Variants in DDX43 observed in about 807,000 individuals in gnomAD.
The protein encoded by DDX43 is probable ATP-dependent RNA helicase DDX43.
Under a neutral mutation model 84.9 loss-of-function variants are expected in DDX43, and 50 were observed. That is an observed-to-expected ratio of 0.59 (90% CI 0.47 to 0.75). The LOEUF is 0.75. Ranked by LOEUF, DDX43 falls within the 30% of genes least tolerant of loss-of-function variation. The probability of loss-of-function intolerance (pLI) is 0.00; values close to 1 mark genes in which losing one functional copy is unlikely to be tolerated. For missense variants in DDX43, 689 were observed against 798.6 expected (o/e 0.86, Z 1.65); for synonymous variants, 291 against 266.3 (o/e 1.09, Z -0.90).
rs201272137 is a variant in DDX43, at chr6:73,405,113, G to GA, written c.650+355dup. 4.3e-3 allele frequency among the ~76,000 whole-genome samples: 581 copies of GA among 134,520 alleles called. 3 individuals carry two copies. The highest frequency in any genetic ancestry group is 4.4e-3 in the African/African-American group (160 of 36,768). The allele number at this position is 134,520 out of a possible 152,430, so 88.3% of individuals were successfully genotyped here. A position where few individuals can be genotyped will look rare whatever the true frequency, so the allele number is the denominator to read the frequency against. On this transcript the variant is annotated intron_variant, in intron 5 of 16. Transcript: ENST00000370336. ...GAATTATTTCTCCAATAGTTGAATT[G>GA]AAAAAAAAAAAAAGATCTAATCTTG...
chr6:73,404,903 A>G (rs12191034), intron 5 of DDX43, 132 bp downstream of exon 5: 18,409 of 741,600 alleles, frequency 0.025, 309 homozygotes, highest in East Asian at 0.045. Flanking sequence ...GTCAACTTAC[A>G]TGATATTTTA....
chr6:73,414,130 TG>T, intron 13 of DDX43, 51 bp downstream of exon 13: 1 of 1,124,834 alleles, frequency 8.9e-7, no homozygotes, highest in South Asian at 1.3e-5. Context: ...GTGCAATACC[TG>T]GGCTTGGCTG....
intron 10 of DDX43, among the ~76,000 whole-genome samples, chr6:73,410,195 G>A (rs1361273785): frequency 6.6e-6 from 1 of 152,054 alleles, no homozygotes; most frequent in Non-Finnish European, 1.5e-5. Flanking sequence ...TTGAGACAAA[G>A]TCTCGCTGAC....
chr6:73,412,122 A>G, intron 10 of DDX43, 83 bp from the exon 11 acceptor site: 1 of 1,183,230 alleles, frequency 8.5e-7, no homozygotes, highest in South Asian at 1.4e-5. Flanking sequence ...GTCTTTCATG[A>G]GTAACTTGGT....
intron 7 of DDX43, 109 bp downstream of exon 7, chr6:73,406,591 G>T (rs1037807478): frequency 1.5e-6 from 1 of 668,960 alleles, no homozygotes. Flanking sequence ...GTAATGCCTA[G>T]CTTCAGAGAA....
In DDX43 at chr6:73,413,686, T is replaced by C. The variant is rs1350910102; in HGVS notation, c.1397T>C (p.Ile466Thr). 6 of 1,613,782 alleles carry C rather than the reference T, an allele frequency of 3.7e-6. No individual in the cohort carries two copies. Among genetic ancestry groups the C allele is most frequent in the East Asian group, 2.2e-5 (1 of 44,846 alleles). The change falls in exon 12 of 17, where the codon ATT (isoleucine) becomes ACT (threonine). Residue 466 changes from isoleucine (I) to threonine (T), a missense_variant. Coordinates refer to ENST00000370336, the MANE Select transcript of DDX43 (RefSeq NM_018665.3). ...VAVSSVKQNI[I>T]VTTEEEKWSH... The stretch of plus-strand genomic sequence containing the variant: ...GTAAGTTCAGTGAAGCAAAATATAA[T>C]TGTAACCACCGAGGAAGAGAAATGG...
At position 73,405,795 on chromosome 6, in the gene DDX43, A is replaced by G. The variant is rs1420917794; in HGVS notation, c.767A>G (p.Asn256Ser). The G allele has an allele frequency of 6.2e-7, 1 of 1,613,982 alleles. No individual in the cohort carries two copies. Among genetic ancestry groups the G allele is most frequent in the Non-Finnish European group, 8.5e-7 (1 of 1,180,002 alleles). The change falls in exon 6 of 17, where the codon AAC becomes AGC. Residue 256 changes from asparagine (N) to serine (S), a missense_variant. Coordinates refer to ENST00000370336, the MANE Select transcript of DDX43 (RefSeq NM_018665.3). ...AFQCYPEVME[N>S]IKKAGFQKPT... ...CAATGTTATCCTGAGGTTATGGAAA[A>G]CATTAAAAAGGCAGGTTTTCAAAAG...
At chr6:73,412,634 A>G (rs1304863174) in intron 11 of DDX43, among the ~76,000 whole-genome samples, 26 of 44,650 alleles carry the variant, frequency 5.8e-4, no homozygotes, top group Non-Finnish European at 8.4e-4. Context: ...TGATATATAT[A>G]TATAGTGTGT....
intron 15 of DDX43, 127 bp from the exon 16 acceptor site, chr6:73,415,984 CGA>C (rs1462729775): frequency 2.9e-5 from 18 of 618,660 alleles, no homozygotes; most frequent in Non-Finnish European, 2.9e-6. Flanking sequence ...AGGGTTTAAT[CGA>C]GATACCTGTT....
At chr6:73,409,201 C>T in intron 9 of DDX43, 47 bp from the exon 10 acceptor site, 4 of 1,397,264 alleles carry the variant, frequency 2.9e-6, no homozygotes, top group Non-Finnish European at 2.0e-6. Context: ...TGTATTATTA[C>T]CTGCCTCCCA....
chr6:73,407,650 T>G, intron 8 of DDX43, 35 bp downstream of exon 8: 1 of 1,353,072 alleles, frequency 7.4e-7, no homozygotes, highest in Non-Finnish European at 1.1e-6. Flanking sequence ...TTCACCAGTA[T>G]CATATTTTAA....
Position 73,413,638 on chromosome 6 carries a change from A to G in DDX43, c.1369-20A>G. The G allele has an allele frequency of 6.2e-7, 1 of 1,610,030 alleles. No individual in the cohort carries two copies. Among genetic ancestry groups the G allele is most frequent in the Middle Eastern group, 1.7e-4 (1 of 6,044 alleles). On this transcript the variant is annotated intron_variant, in intron 11 of 16. Coordinates refer to ENST00000370336, the MANE Select transcript of DDX43 (RefSeq NM_018665.3). ...TCAATCATGATGACCTTGATGAACT[A>G]TGTTCTTTGAATCCTTTAGGCTGTA...
chr6:73,398,020 C>G (rs1769505059), intron 2 of DDX43: 1 of 236,662 alleles, frequency 4.2e-6, no homozygotes, highest in Non-Finnish European at 8.1e-6. Flanking sequence ...CCGTGTTGGC[C>G]AGGCTGCTCT....
chr6:73,402,517 C>T lies in DDX43; in HGVS notation c.568+527C>T, dbSNP rs72958099. 3.7e-3 allele frequency among the ~76,000 whole-genome samples: 568 copies of T among 152,324 alleles called. 5 individuals carry two copies. The highest frequency in any genetic ancestry group is 6.8e-3 in the Middle Eastern group (2 of 294). ...CGAACTCCTGGCTTCAAGTGATCCT[C>T]TCCTCTTAACCTCCCAAACTGCTGG... On this transcript the variant is annotated intron_variant, in intron 4 of 16. Transcript: ENST00000370336.
intron 10 of DDX43, among the ~76,000 whole-genome samples, chr6:73,411,149 CT>C (rs1440747192): frequency 7.8e-6 from 1 of 127,940 alleles, no homozygotes; most frequent in Non-Finnish European, 1.6e-5. Flanking sequence ...GCACTCCAAC[CT>C]GGGTGACAGA....
chr6:73,395,583 C>T (rs1007223017), intron 1 of DDX43, among the ~76,000 whole-genome samples: 5 of 151,182 alleles, frequency 3.3e-5, no homozygotes, highest in African/African-American at 1.2e-4. Flanking sequence ...CACTGCACTC[C>T]AGCCTAGGTG....
chr6:73,413,720 G>A lies in DDX43; in HGVS notation c.1431G>A (p.Met477Ile). 1 of 1,613,796 alleles carries A rather than the reference G, an allele frequency of 6.2e-7. No homozygotes were observed. The highest frequency in any genetic ancestry group is 8.5e-7 in the Non-Finnish European group (1 of 1,179,836). Reference sequence around the variant, plus strand: ...CCGAGGAAGAGAAATGGAGTCACATGCAAACTTTTCTACAGAGTATGTCAT... The same window carrying A: ...CCGAGGAAGAGAAATGGAGTCACATACAAACTTTTCTACAGAGTATGTCAT... The part of the protein sequence containing the change: ...VTTEEEKWSH[M>I]QTFLQSMSST... Residue 477 changes from methionine to isoleucine, a missense_variant, in exon 12 of 17, where the codon ATG (methionine) becomes ATA (isoleucine). Met to Ile is a conservative substitution (Grantham distance 10). Coordinates refer to ENST00000370336, the MANE Select transcript of DDX43 (RefSeq NM_018665.3).
At chr6:73,408,161 G>A (rs1250310669) in intron 9 of DDX43, 60 bp downstream of exon 9, 22 of 1,564,898 alleles carry the variant, frequency 1.4e-5, no homozygotes, top group African/African-American at 2.7e-5. Flanking sequence ...CTGGCCGGGC[G>A]CAGTGGGTCA....
At chr6:73,415,404 A>T in intron 14 of DDX43, 93 bp from the exon 15 acceptor site, 1 of 837,566 alleles carries the variant, frequency 1.2e-6, no homozygotes, top group Non-Finnish European at 1.9e-6. Flanking sequence ...CCTAAATCTT[A>T]ATACATTCCA....
Sources: gnomAD v4.1 joint callset for allele counts (sites outside exome capture counted in the v4.1 genomes callset) on GRCh38, gnomAD v4.1.1 for gene constraint, MANE v1.5 for transcripts, NCBI Gene and HGNC (gene_info 2026-07-23, HGNC 2026-07-21) for gene names.